The following FGF14 variants were observed in gnomAD, a reference collection of about 807,000 sequenced individuals.
The protein encoded by FGF14 is fibroblast growth factor homologous factor 4.
In FGF14, 5 loss-of-function variants were observed where a neutral mutation model predicts 25.5. The observed-to-expected ratio is 0.20, with a 90% CI of 0.10 to 0.41. The LOEUF (loss-of-function observed/expected upper bound fraction) is 0.41. FGF14 is among the 10% of genes least tolerant of loss of function. The pLI is 1.00. For missense variants in FGF14, 222 were observed against 320.1 expected (o/e 0.69, Z 2.34); for synonymous variants, 138 against 118.3 (o/e 1.17, Z -1.08).
intron 1 of FGF14, among the ~76,000 whole-genome samples, chr13:101,953,140 C>A (rs183001341): frequency 1.3e-5 from 2 of 152,294 alleles, no homozygotes; most frequent in East Asian, 1.9e-4. Flanking sequence ...ATCTCAGAAG[C>A]GTCAACAGTT....
At chr13:102,092,285 C>A (rs1478126501) in intron 1 of FGF14, among the ~76,000 whole-genome samples, 1 of 152,132 alleles carries the variant, frequency 6.6e-6, no homozygotes, top group Non-Finnish European at 1.5e-5. Flanking sequence ...TGAAAATATT[C>A]ATTGTTCAGG....
chr13:101,730,301 T>G (rs1453875601), intron 3 of FGF14, among the ~76,000 whole-genome samples: 1 of 152,134 alleles, frequency 6.6e-6, no homozygotes, highest in South Asian at 2.1e-4. Context: ...TTGTAGCACA[T>G]GAGTATATGT....
At position 102,323,759 on chromosome 13, in the gene FGF14, C is replaced by T. The variant is rs185355843; in HGVS notation, c.208+77712G>A. On this transcript the variant is annotated intron_variant, in intron 1 of 4. Transcript: ENST00000376131. ...AACAAATTGGAATTAAGTTAACCTC[C>T]TAGTAGCAATAAAATCTCATACTCA... is the stretch of plus-strand genomic sequence containing the variant. 3.1e-4 allele frequency among the ~76,000 whole-genome samples: 47 copies of T among 152,192 alleles called. No individual in the cohort carries two copies. The East Asian group carries it at 9.1e-3, about 29-fold the overall frequency.
intron 3 of FGF14, among the ~76,000 whole-genome samples, chr13:101,865,569 G>C (rs1420147258): frequency 2.0e-5 from 3 of 152,034 alleles, no homozygotes; most frequent in Admixed American, 6.6e-5. Flanking sequence ...CAGAGAACAG[G>C]TGCCTTTAGC....
intron 1 of FGF14, among the ~76,000 whole-genome samples, chr13:102,258,251 A>AT (rs1377388474): frequency 2.6e-5 from 4 of 152,000 alleles, no homozygotes; most frequent in African/African-American, 7.2e-5. Context: ...TCAAGATGAG[A>AT]TTTGGGTGGG....
chr13:102,348,114 T>C (rs2057167548), intron 1 of FGF14, among the ~76,000 whole-genome samples: 1 of 152,070 alleles, frequency 6.6e-6, no homozygotes, highest in African/African-American at 2.4e-5. Flanking sequence ...TATTCATTTA[T>C]GCAAAATAAT....
At chr13:102,147,640 C>T (rs1200136699) in intron 1 of FGF14, among the ~76,000 whole-genome samples, 2 of 152,182 alleles carry the variant, frequency 1.3e-5, no homozygotes, top group African/African-American at 2.4e-5. Flanking sequence ...CTGGTACTAC[C>T]TATTTAGACC....
At chr13:102,042,502 C>T (rs2041790962) in intron 1 of FGF14, among the ~76,000 whole-genome samples, 1 of 152,110 alleles carries the variant, frequency 6.6e-6, no homozygotes, top group Non-Finnish European at 1.5e-5. Flanking sequence ...TCCAACATGT[C>T]TTTTTTATTC....
At chr13:102,066,109 A>T (rs1029970118) in intron 1 of FGF14, among the ~76,000 whole-genome samples, 1 of 152,154 alleles carries the variant, frequency 6.6e-6, no homozygotes, top group African/African-American at 2.4e-5. Flanking sequence ...ATTAATAATA[A>T]CATTTGGCTT....
intron 1 of FGF14, among the ~76,000 whole-genome samples, chr13:102,338,884 A>G (rs1429944748): frequency 6.6e-6 from 1 of 151,668 alleles, no homozygotes; most frequent in Non-Finnish European, 1.5e-5. Context: ...GGTGGTGCGC[A>G]CCTGTAATCC....
intron 1 of FGF14, chr13:102,292,876 TCTATTAGCCTGAAGTCA>T (rs1566908719): frequency 1.3e-5 from 2 of 152,180 alleles, no homozygotes; most frequent in African/African-American, 2.4e-5. Flanking sequence ...TCTGGACCTC[TCTATTAGCCTGAAGTCA>T]CAGCACTTTG....
At chr13:102,182,025 C>T (rs2048695614) in intron 1 of FGF14, among the ~76,000 whole-genome samples, 2 of 152,050 alleles carry the variant, frequency 1.3e-5, no homozygotes. Flanking sequence ...TTTCAGCCAC[C>T]CATTTTGTGG....
intron 3 of FGF14, among the ~76,000 whole-genome samples, chr13:101,751,816 C>A (rs940397168): frequency 6.6e-6 from 1 of 152,040 alleles, no homozygotes; most frequent in Non-Finnish European, 1.5e-5. Context: ...GACTCCTGCT[C>A]TAGTTCCTAT....
At chr13:102,062,601 A>G (rs1004358957) in intron 1 of FGF14, among the ~76,000 whole-genome samples, 2 of 152,224 alleles carry the variant, frequency 1.3e-5, no homozygotes, top group East Asian at 1.9e-4. Context: ...CAAATTATAA[A>G]CAAGCAGGTA....
chr13:101,923,652 T>C (rs910044525), intron 1 of FGF14, among the ~76,000 whole-genome samples: 3 of 152,088 alleles, frequency 2.0e-5, no homozygotes, highest in Admixed American at 1.3e-4. Flanking sequence ...TATTAAATAA[T>C]TCTAAATTAG....
intron 1 of FGF14, among the ~76,000 whole-genome samples, chr13:102,001,435 C>T (rs756307830): frequency 1.3e-5 from 2 of 152,094 alleles, no homozygotes; most frequent in Non-Finnish European, 2.9e-5. Flanking sequence ...TACTTTCACA[C>T]CTGGGTGCCC....
At chr13:102,124,655 T>C (rs1382371604) in intron 1 of FGF14, among the ~76,000 whole-genome samples, 1 of 152,130 alleles carries the variant, frequency 6.6e-6, no homozygotes, top group African/African-American at 2.4e-5. Flanking sequence ...GATGGATTTT[T>C]ATCTCCTCAT....
At chr13:101,826,004 A>G (rs1337552892) in intron 3 of FGF14, among the ~76,000 whole-genome samples, 2 of 152,162 alleles carry the variant, frequency 1.3e-5, no homozygotes, top group Non-Finnish European at 2.9e-5. Flanking sequence ...TTTTTATCAT[A>G]TATTTGTAAG....
intron 1 of FGF14, among the ~76,000 whole-genome samples, chr13:102,068,913 A>G (rs563331116): frequency 1.4e-5 from 2 of 146,384 alleles, no homozygotes; most frequent in East Asian, 4.1e-4. Flanking sequence ...TGCAGGATCC[A>G]CTAGGTGAAG....
Sources: gnomAD v4.1 joint callset for allele counts (sites outside exome capture counted in the v4.1 genomes callset) on GRCh38, gnomAD v4.1.1 for gene constraint, MANE v1.5 for transcripts, NCBI Gene and HGNC (gene_info 2026-07-23, HGNC 2026-07-21) for gene names.